GSAP: variants seen among roughly 807,000 people sequenced by gnomAD.
The protein encoded by GSAP is gamma-secretase activating protein.
GSAP carries 118 observed loss-of-function variants against 131.7 expected under a neutral mutation model. The observed-to-expected ratio is 0.90, with a 90% CI of 0.77 to 1.04. The LOEUF is 1.04. Ranked by LOEUF, GSAP falls within the 50% of genes least tolerant of loss-of-function variation. The pLI is 0.00. For missense variants in GSAP, 1,019 were observed against 1,013.2 expected (o/e 1.01, Z -0.08); for synonymous variants, 381 against 363.4 (o/e 1.05, Z -0.55).
At chr7:77,345,642 C>T (rs1193092120) in intron 19 of GSAP, among the ~76,000 whole-genome samples, 2 of 152,278 alleles carry the variant, frequency 1.3e-5, no homozygotes, top group Non-Finnish European at 2.9e-5. Flanking sequence ...TGTGAAATTC[C>T]TTCTCCTGGC....
In GSAP at chr7:77,323,627, G is replaced by A; in HGVS notation, c.1923+20C>T. On this transcript the variant is annotated intron_variant, in intron 24 of 30. Coordinates refer to ENST00000257626, the MANE Select transcript of GSAP (RefSeq NM_017439.4). Reference sequence around the variant, plus strand: ...AGTGGGGTGAAGGGGCATATGAGGAGAATAAAAAGCAAGACCAACCAGTTT... The same window carrying A: ...AGTGGGGTGAAGGGGCATATGAGGAAAATAAAAAGCAAGACCAACCAGTTT... 7.6e-7 allele frequency: 1 copy of A among 1,311,788 alleles called. No homozygotes were observed. The highest frequency in any genetic ancestry group is 1.2e-5 in the South Asian group (1 of 82,886). The allele number at this position is 1,311,788 out of a possible 1,614,324, so 81.3% of individuals were successfully genotyped here.
intron 6 of GSAP, among the ~76,000 whole-genome samples, chr7:77,384,964 A>G (rs888597663): frequency 4.0e-5 from 6 of 151,796 alleles, no homozygotes; most frequent in African/African-American, 1.5e-4. Context: ...AATTAGTACA[A>G]GTTTTACTTT....
At chr7:77,324,073 A>G (rs908390237) in intron 23 of GSAP, among the ~76,000 whole-genome samples, 3 of 152,220 alleles carry the variant, frequency 2.0e-5, no homozygotes, top group Admixed American at 2.0e-4. Flanking sequence ...CCAAAGGATT[A>G]AAGTCTACTT....
At chr7:77,369,201 C>T (rs1260868415) in intron 12 of GSAP, among the ~76,000 whole-genome samples, 2 of 152,228 alleles carry the variant, frequency 1.3e-5, no homozygotes, top group African/African-American at 4.8e-5. Context: ...GAAAGAATTA[C>T]AGCCACTGAC....
At chr7:77,344,508 A>C (rs1791495494) in intron 19 of GSAP, among the ~76,000 whole-genome samples, 2 of 152,106 alleles carry the variant, frequency 1.3e-5, no homozygotes, top group Admixed American at 1.3e-4. Flanking sequence ...ACTGCACCCC[A>C]AAAACTTGTC....
chr7:77,378,157 T>C (rs932533295), intron 8 of GSAP, among the ~76,000 whole-genome samples: 1 of 152,198 alleles, frequency 6.6e-6, no homozygotes, highest in African/African-American at 2.4e-5. Flanking sequence ...GTTTCTAGCA[T>C]GTAACAGTGC....
intron 18 of GSAP, among the ~76,000 whole-genome samples, chr7:77,350,785 A>C (rs1283124427): frequency 6.6e-6 from 1 of 152,188 alleles, no homozygotes; most frequent in Admixed American, 6.5e-5. Context: ...ATCATGGCAA[A>C]TCTGAAAGGT....
At chr7:77,312,534 A>T (rs891833051) in intron 28 of GSAP, among the ~76,000 whole-genome samples, 1 of 152,218 alleles carries the variant, frequency 6.6e-6, no homozygotes, top group Non-Finnish European at 1.5e-5. Context: ...GGGGGTACGC[A>T]TGTTTATATC....
In GSAP at chr7:77,382,081, C is replaced by T. The variant is rs1326017402; in HGVS notation, c.526+493G>A. Among the ~76,000 whole-genome samples the T allele has an allele frequency of 4.0e-5, 6 of 150,076 alleles. No homozygotes were observed. In the Admixed American group the frequency reaches 4.0e-4, roughly 10 times the overall value. ...TTCCTCTCCCTCTCTAACTTGAAAC[C>T]ATCATGGAAGGACATAACCTTTTAT... On this transcript the variant is annotated intron_variant, in intron 7 of 30. Transcript: ENST00000257626.
intron 6 of GSAP, among the ~76,000 whole-genome samples, chr7:77,383,285 A>G (rs1186538065): frequency 6.6e-6 from 1 of 151,900 alleles, no homozygotes; most frequent in East Asian, 1.9e-4. Flanking sequence ...AATCAGAAAC[A>G]ATGCAAACAA....
At chr7:77,360,747 A>T in intron 14 of GSAP, 77 bp downstream of exon 14, 1 of 765,504 alleles carries the variant, frequency 1.3e-6, no homozygotes, top group South Asian at 1.5e-5. Flanking sequence ...GAGAAATGGG[A>T]TAGTATAGAA....
chr7:77,385,376 A>C (rs1236591443), intron 6 of GSAP, among the ~76,000 whole-genome samples: 1 of 152,148 alleles, frequency 6.6e-6, no homozygotes, highest in Admixed American at 6.5e-5. Flanking sequence ...CATAAAATTT[A>C]CCATTTTAAC....
At chr7:77,369,034 A>C (rs962239156) in intron 12 of GSAP, among the ~76,000 whole-genome samples, 5 of 152,228 alleles carry the variant, frequency 3.3e-5, no homozygotes, top group Non-Finnish European at 5.9e-5. Flanking sequence ...TTTCCAAGGG[A>C]AATTATGTTA....
intron 3 of GSAP, 59 bp from the exon 4 acceptor site, chr7:77,397,474 G>C (rs948438594): frequency 7.5e-6 from 7 of 936,830 alleles, no homozygotes; most frequent in African/African-American, 6.7e-5. Flanking sequence ...ACAATTGTAT[G>C]AACATAAATT....
At chr7:77,386,437 C>G (rs1358730927) in intron 6 of GSAP, among the ~76,000 whole-genome samples, 3 of 152,098 alleles carry the variant, frequency 2.0e-5, no homozygotes, top group African/African-American at 7.2e-5. Flanking sequence ...GATCCAAACC[C>G]AAACAAGGAT....
intron 5 of GSAP, among the ~76,000 whole-genome samples, chr7:77,390,178 A>C (rs1365922889): frequency 2.6e-5 from 4 of 151,974 alleles, no homozygotes; most frequent in African/African-American, 9.7e-5. Flanking sequence ...TAGATTCTGG[A>C]TATTAGCCCT....
chr7:77,381,158 A>T, intron 8 of GSAP, 147 bp downstream of exon 8: 1 of 442,432 alleles, frequency 2.3e-6, no homozygotes. Context: ...GTATCATTTC[A>T]CACATTAAAA....
chr7:77,360,951 C>T (rs1403426391), intron 13 of GSAP, 50 bp from the exon 14 acceptor site: 1 of 1,056,286 alleles, frequency 9.5e-7, no homozygotes, highest in Non-Finnish European at 1.5e-6. Flanking sequence ...AGAACTGGAA[C>T]TCCACCCAAG....
Position 77,355,519 on chromosome 7 carries a change from T to G in GSAP, c.1120+36A>C, listed in dbSNP as rs775426050. The stretch of plus-strand genomic sequence containing the variant: ...ATATTAAAGTCAAAACAAACTCAAA[T>G]GGGCCACCTCTACAAGAGAAAAACT... On this transcript the variant is annotated intron_variant, in intron 15 of 30. Transcript: ENST00000257626. 16 of 1,528,656 alleles carry G rather than the reference T, an allele frequency of 1.0e-5. No homozygotes were observed. The South Asian group carries it at 1.8e-4, about 18-fold the overall frequency. The allele number at this position is 1,528,656 out of a possible 1,614,324, so 94.7% of individuals were successfully genotyped here.
Sources: gnomAD v4.1 joint callset for allele counts (sites outside exome capture counted in the v4.1 genomes callset) on GRCh38, gnomAD v4.1.1 for gene constraint, MANE v1.5 for transcripts, NCBI Gene and HGNC (gene_info 2026-07-23, HGNC 2026-07-21) for gene names.